The following TCF7L1 variants were observed in gnomAD, a reference collection of about 807,000 sequenced individuals.
TCF7L1 encodes transcription factor 7-like 1.
A neutral mutation model predicts 63.7 loss-of-function variants in TCF7L1; 18 were observed. The observed-to-expected ratio is 0.28, with a 90% CI of 0.20 to 0.42. The LOEUF is 0.42. Among genes scored for constraint, TCF7L1 ranks in the 10% least tolerant of loss-of-function variants. The pLI, the probability that TCF7L1 is intolerant of heterozygous loss-of-function variation, is 1.00. For synonymous variants in TCF7L1, 355 were observed against 340.9 expected (o/e 1.04, Z -0.46); for missense variants, 654 against 779.3 (o/e 0.84, Z 1.91).
intron 3 of TCF7L1, among the ~76,000 whole-genome samples, chr2:85,244,235 G>A (rs1287225121): frequency 6.6e-6 from 1 of 152,194 alleles, no homozygotes; most frequent in Non-Finnish European, 1.5e-5. Flanking sequence ...GGTCACAGGG[G>A]CATGCAGCCC....
chr2:85,240,835 C>T (rs1573005722), intron 3 of TCF7L1, among the ~76,000 whole-genome samples: 1 of 151,086 alleles, frequency 6.6e-6, no homozygotes. Flanking sequence ...CAGATTAAGT[C>T]ACCAAGGGGC....
At chr2:85,167,517 G>A (rs1253955963) in intron 3 of TCF7L1, 2 of 152,160 alleles carry the variant, frequency 1.3e-5, no homozygotes, top group African/African-American at 4.8e-5. Flanking sequence ...GTCGACAGAT[G>A]GATGGCTAAA....
At chr2:85,265,343 T>C (rs1384448893) in intron 3 of TCF7L1, among the ~76,000 whole-genome samples, 1 of 151,394 alleles carries the variant, frequency 6.6e-6, no homozygotes, top group African/African-American at 2.4e-5. Flanking sequence ...AGTTAAATCA[T>C]AATGGGGAAC....
At chr2:85,150,327 G>A (rs1406239441) in intron 3 of TCF7L1, among the ~76,000 whole-genome samples, 2 of 151,150 alleles carry the variant, frequency 1.3e-5, no homozygotes, top group African/African-American at 2.4e-5. Context: ...TCCACCTCCC[G>A]GGTTCACGCC....
intron 5 of TCF7L1, among the ~76,000 whole-genome samples, chr2:85,302,957 G>A (rs1386629601): frequency 2.6e-5 from 4 of 152,210 alleles, no homozygotes; most frequent in Non-Finnish European, 5.9e-5. Flanking sequence ...GCCCTAAACT[G>A]AACATTTTTA....
chr2:85,135,743 G>C (rs1677576955), intron 3 of TCF7L1, among the ~76,000 whole-genome samples: 1 of 151,796 alleles, frequency 6.6e-6, no homozygotes, highest in African/African-American at 2.4e-5. Flanking sequence ...GAGGGGAATG[G>C]GGAGTGGGAC....
At chr2:85,159,449 A>G (rs1197503652) in intron 3 of TCF7L1, among the ~76,000 whole-genome samples, 1 of 152,124 alleles carries the variant, frequency 6.6e-6, no homozygotes, top group African/African-American at 2.4e-5. Flanking sequence ...GGCCTTACCA[A>G]GTTGTGGTGG....
Position 85,309,084 on chromosome 2 carries a change from G to A in TCF7L1, c.1389G>A (p.Lys463=). ...GTGTTCAGTACCTGCCCCCCGAGAAGCCCTGTGACAGCCCTGCCTCCTCCC... is the reference window on the plus strand; with the variant it reads ...GTGTTCAGTACCTGCCCCCCGAGAAACCCTGTGACAGCCCTGCCTCCTCCC... The part of the protein sequence containing the change: ...KPCVQYLPPE[K]PCDSPASSHG... Residue 463 remains lysine (K), a synonymous_variant, in exon 12 of 12, where the codon AAG becomes AAA. Transcript: ENST00000282111. 1 of 1,613,194 alleles carries A rather than the reference G, an allele frequency of 6.2e-7. No individual in the cohort carries two copies. Among genetic ancestry groups the A allele is most frequent in the Admixed American group, 1.7e-5 (1 of 59,944 alleles).
chr2:85,216,038 C>T (rs1201450804), intron 3 of TCF7L1, among the ~76,000 whole-genome samples: 1 of 152,088 alleles, frequency 6.6e-6, no homozygotes, highest in Non-Finnish European at 1.5e-5. Context: ...CTCCCTTTCT[C>T]CTCTTGTGGT....
chr2:85,269,598 A>G (rs917336689), intron 3 of TCF7L1, among the ~76,000 whole-genome samples: 1 of 152,200 alleles, frequency 6.6e-6, no homozygotes, highest in African/African-American at 2.4e-5. Flanking sequence ...GTGAGCCACC[A>G]CACCCAGCCA....
At chr2:85,226,463 A>G (rs1679953981) in intron 3 of TCF7L1, among the ~76,000 whole-genome samples, 1 of 152,298 alleles carries the variant, frequency 6.6e-6, no homozygotes, top group Middle Eastern at 3.4e-3. Flanking sequence ...CAAAGCCAGG[A>G]TTTGAATCTG....
chr2:85,245,593 A>T (rs2104329682), intron 3 of TCF7L1, among the ~76,000 whole-genome samples: 1 of 152,224 alleles, frequency 6.6e-6, no homozygotes, highest in Admixed American at 6.5e-5. Context: ...CGGGCAGATC[A>T]CGAGGTCAGG....
At chr2:85,188,815 CT>C (rs148950951) in intron 3 of TCF7L1, among the ~76,000 whole-genome samples, 5,620 of 152,248 alleles carry the variant, frequency 0.037, 146 homozygotes, top group Non-Finnish European at 0.053. Flanking sequence ...TTAATATTTC[CT>C]TAGTAAAACT....
intron 3 of TCF7L1, among the ~76,000 whole-genome samples, chr2:85,178,462 C>G (rs1678728099): frequency 6.6e-6 from 1 of 152,110 alleles, no homozygotes; most frequent in African/African-American, 2.4e-5. Flanking sequence ...TCCTGTGCAC[C>G]CAAGTCTCCA....
chr2:85,286,362 AC>A (rs200091117), intron 4 of TCF7L1, among the ~76,000 whole-genome samples: 3 of 150,408 alleles, frequency 2.0e-5, no homozygotes, highest in African/African-American at 7.5e-5. Context: ...GACTCAAAAA[AC>A]AAACAAACAA....
At chr2:85,277,072 C>T (rs186605777) in intron 3 of TCF7L1, among the ~76,000 whole-genome samples, 7 of 151,640 alleles carry the variant, frequency 4.6e-5, no homozygotes, top group East Asian at 1.9e-4. Context: ...GGGTGGGGGG[C>T]GGTGAGGGTG....
At position 85,241,928 on chromosome 2, in the gene TCF7L1, C is replaced by T. The variant is rs115360783; in HGVS notation, c.442-41567C>T. Among the ~76,000 whole-genome samples the T allele has an allele frequency of 3.1e-3, 462 of 151,202 alleles. 2 individuals carry two copies. Among genetic ancestry groups the T allele is most frequent in the African/African-American group, 0.01 (431 of 41,150 alleles). ...TATTTCCTTAGGACCTGGATAACTC[C>T]GTGAGTCCAGGAATAGTTTGCTTTT... On this transcript the variant is annotated intron_variant, in intron 3 of 11. Transcript: ENST00000282111.
In TCF7L1 at chr2:85,306,323, C is replaced by G. The variant is rs1682106612; in HGVS notation, c.1107C>G (p.Thr369=). 6.2e-7 allele frequency: 1 copy of G among 1,614,128 alleles called. No homozygotes were observed. Among genetic ancestry groups the G allele is most frequent in the Non-Finnish European group, 8.5e-7 (1 of 1,180,032 alleles). Residue 369 remains threonine, a synonymous_variant, in exon 9 of 12, where the codon ACC becomes ACG. Transcript: ENST00000282111. This position sits in a 1 kb window ranked among gnomAD's most constrained non-coding sequence, Gnocchi z 4.3. ...GGGCCAAGGTGGTGGCTGAGTGCAC[C>G]CTGAAGGAAAGTGCAGCCATTAACC... ...EMRAKVVAEC[T]LKESAAINQI...
intron 3 of TCF7L1, among the ~76,000 whole-genome samples, chr2:85,185,075 A>G (rs1678887089): frequency 6.6e-6 from 1 of 152,106 alleles, no homozygotes; most frequent in Non-Finnish European, 1.5e-5. Flanking sequence ...AAGATCTTTT[A>G]TAGCCCCAGA....
Sources: allele counts gnomAD v4.1 joint callset (sites outside exome capture counted in the v4.1 genomes callset), GRCh38; gene constraint gnomAD v4.1.1; non-coding constraint Gnocchi (gnomAD v3.1); transcripts MANE v1.5; gene names NCBI Gene and HGNC (gene_info 2026-07-23, HGNC 2026-07-21).